HK1: variants seen among roughly 807,000 people sequenced by gnomAD.
HK1 encodes the protein hexokinase 1, also known as hexokinase-1.
In HK1, 28 loss-of-function variants were observed where a neutral mutation model predicts 91.6. The observed-to-expected ratio is 0.31, with a 90% CI of 0.23 to 0.42. The LOEUF (loss-of-function observed/expected upper bound fraction) is 0.42. Ranked by LOEUF, HK1 falls within the 10% of genes least tolerant of loss-of-function variation. The pLI, the probability that HK1 is intolerant of heterozygous loss-of-function variation, is 1.00. For synonymous variants in HK1, 430 were observed against 468.1 expected (o/e 0.92, Z 1.05); for missense variants, 770 against 1,219.8 (o/e 0.63, Z 5.49).
At chr10:69,311,570 A>G (rs1469351574), upstream of HK1, among the ~76,000 whole-genome samples, 1 of 152,172 alleles carries the variant, frequency 6.6e-6, no homozygotes, top group Non-Finnish European at 1.5e-5. Context: ...TGGCTGAGAT[A>G]AGGAGCTAGT....
chr10:69,340,549 C>T (rs1848237583), intron 1 of HK1, among the ~76,000 whole-genome samples: 1 of 152,166 alleles, frequency 6.6e-6, no homozygotes, highest in Non-Finnish European at 1.5e-5. Context: ...TGCTCCCGGC[C>T]TTAAAATTAA....
At chr10:69,318,750 CG>C (rs142265556), upstream of HK1, 4 of 1,066,410 alleles carry the variant, frequency 3.8e-6, no homozygotes, top group Non-Finnish European at 3.8e-6. Context: ...GGTCGGCTGG[CG>C]GCTGTCACCC....
chr10:69,306,714 G>A (rs1048075966), intron 5 of HK1, among the ~76,000 whole-genome samples: 1 of 152,246 alleles, frequency 6.6e-6, no homozygotes. Flanking sequence ...ATGGTAAGCT[G>A]TCAGTGTACA....
intron 13 of HK1, among the ~76,000 whole-genome samples, chr10:69,388,157 G>A (rs1267462578): frequency 6.6e-6 from 1 of 152,160 alleles, no homozygotes; most frequent in East Asian, 1.9e-4. Flanking sequence ...TGCGGGTTGG[G>A]TGCAGTGACT....
chr10:69,301,396 A>G (rs1845856333), intron 5 of HK1, among the ~76,000 whole-genome samples: 3 of 151,510 alleles, frequency 2.0e-5, no homozygotes, highest in Admixed American at 1.3e-4. Context: ...CAACATGGTG[A>G]AACCCCATCT....
intron 7 of HK1, among the ~76,000 whole-genome samples, chr10:69,373,179 T>C (rs1850108045): frequency 6.6e-6 from 1 of 152,146 alleles, no homozygotes; most frequent in African/African-American, 2.4e-5. Flanking sequence ...ATTAACCAGG[T>C]TTTAAAATCT....
intron 1 of HK1, among the ~76,000 whole-genome samples, chr10:69,272,729 A>G (rs188818585): frequency 1.1e-3 from 172 of 151,298 alleles, no homozygotes; most frequent in African/African-American, 3.9e-3. Context: ...TCATTTAACT[A>G]TAATGTGCTT....
At chr10:69,398,888 G>A (rs1380940933) in intron 17 of HK1, 60 bp downstream of exon 17, 9 of 1,335,410 alleles carry the variant, frequency 6.7e-6, no homozygotes, top group East Asian at 2.3e-5. Flanking sequence ...GGGTTAGGGG[G>A]TATCAGGGTG....
intron 1 of HK1, among the ~76,000 whole-genome samples, chr10:69,271,903 G>C (rs1844190763): frequency 6.6e-6 from 1 of 151,274 alleles, no homozygotes; most frequent in Non-Finnish European, 1.5e-5. Context: ...TTGCTCTGTT[G>C]CCCAGGCTGG....
intron 3 of HK1, among the ~76,000 whole-genome samples, chr10:69,362,217 T>A (rs530599695): frequency 2.2e-4 from 34 of 152,290 alleles, no homozygotes; most frequent in Admixed American, 4.6e-4. Flanking sequence ...TAAGAGTGAC[T>A]GAGTCTTTAT....
At chr10:69,389,480 G>A (rs539860255) in intron 14 of HK1, 184 bp downstream of exon 14, 3 of 621,430 alleles carry the variant, frequency 4.8e-6, no homozygotes, top group African/African-American at 1.8e-5. Flanking sequence ...GGGGGGAGGT[G>A]GGGGGGCCTT....
At chr10:69,276,118 A>AAAAAAAAAATATATATATATATAT in intron 1 of HK1, among the ~76,000 whole-genome samples, 1 of 38,262 alleles carries the variant, frequency 2.6e-5, no homozygotes, top group Non-Finnish European at 5.1e-5. Flanking sequence ...AAAAAAAAAA[A>AAAAAAAAAATATATATATATATAT]ATACATATAT....
At chr10:69,372,666 T>A (rs1454001850) in intron 7 of HK1, among the ~76,000 whole-genome samples, 1 of 152,172 alleles carries the variant, frequency 6.6e-6, no homozygotes, top group African/African-American at 2.4e-5. Flanking sequence ...TCCAGAATCT[T>A]TTCTCATTGG....
At chr10:69,338,763 T>A (rs1269166409) in intron 1 of HK1, 1 of 1,156,692 alleles carries the variant, frequency 8.6e-7, no homozygotes, top group African/African-American at 1.6e-5. Flanking sequence ...GTGTGAGAGA[T>A]TGTGTATGTG....
intron 8 of HK1, 41 bp from the exon 9 acceptor site, chr10:69,379,821 T>C: frequency 2.2e-6 from 3 of 1,375,576 alleles, no homozygotes; most frequent in Non-Finnish European, 3.1e-6. Context: ...CACTGCCTCA[T>C]GTGGTCCTCA....
intron 5 of HK1, among the ~76,000 whole-genome samples, chr10:69,305,056 G>T (rs940088675): frequency 1.3e-5 from 2 of 152,080 alleles, no homozygotes; most frequent in African/African-American, 4.8e-5. Flanking sequence ...TCTTTGTATG[G>T]TCATCTTCTT....
At chr10:69,270,009 A>G (rs547676074) in exon 1 of HK1, 11 of 152,396 alleles carry the variant, frequency 7.2e-5, no homozygotes, top group African/African-American at 2.6e-4. Flanking sequence ...GAAAACATCT[A>G]TCTTGCTGTG....
chr10:69,286,052 G>T (rs544720455), intron 2 of HK1, among the ~76,000 whole-genome samples: 1 of 152,300 alleles, frequency 6.6e-6, no homozygotes, highest in East Asian at 1.9e-4. Context: ...TTCTCTGCAA[G>T]TACTTTGGTA....
chr10:69,387,415 A>G (rs1839690918), intron 13 of HK1, among the ~76,000 whole-genome samples: 1 of 152,044 alleles, frequency 6.6e-6, no homozygotes, highest in Non-Finnish European at 1.5e-5. Context: ...CAGCCTCCCT[A>G]GTAGCTGGGA....
Sources: allele counts gnomAD v4.1 joint callset (sites outside exome capture counted in the v4.1 genomes callset), GRCh38; gene constraint gnomAD v4.1.1; transcripts MANE v1.5; gene names NCBI Gene and HGNC (gene_info 2026-07-23, HGNC 2026-07-21).